The following CYBA variants were observed in gnomAD, a reference collection of about 807,000 sequenced individuals.
CYBA encodes cytochrome b-245 light chain.
In CYBA, 21 loss-of-function variants were observed where a neutral mutation model predicts 20.8. The ratio of observed to expected loss-of-function variants is 1.01; its 90% CI spans 0.72 to 1.46. CYBA has a LOEUF of 1.46. Ranked by LOEUF, CYBA falls within the 40% of genes most tolerant of loss-of-function variation. The probability of loss-of-function intolerance (pLI) is 0.00; values close to 1 mark genes in which losing one functional copy is unlikely to be tolerated. For missense variants in CYBA, 344 were observed against 287.0 expected (o/e 1.20, Z -1.43); for synonymous variants, 164 against 127.5 (o/e 1.29, Z -1.93).
intron 2 of CYBA, 179 bp downstream of exon 2, chr16:88,647,866 A>G (rs1907345342): frequency 3.0e-6 from 2 of 659,990 alleles, no homozygotes; most frequent in East Asian, 2.7e-5. Flanking sequence ...TGATCGCCAC[A>G]TGGTCCTGGC....
chr16:88,647,542 G>C (rs1354322096), intron 2 of CYBA, among the ~76,000 whole-genome samples: 7 of 152,220 alleles, frequency 4.6e-5, no homozygotes. Flanking sequence ...TCTCAAAAAA[G>C]GTCGGGGGCA....
chr16:88,643,601 C>T lies in CYBA; in HGVS notation c.370-30G>A. On this transcript the variant is annotated intron_variant, in intron 5 of 5. Transcript: ENST00000261623. This position sits in a 1 kb window ranked among gnomAD's most constrained non-coding sequence, Gnocchi z 4.3. ...GGGGCACTGAAGGGTTGAGCCGCGC[C>T]CCAGCGCCCGCCCTCCCTCCCTCCC... 6.6e-7 allele frequency: 1 copy of T among 1,523,392 alleles called. No homozygotes were observed. Among genetic ancestry groups the T allele is most frequent in the Non-Finnish European group, 8.8e-7 (1 of 1,138,288 alleles). 94.4% of individuals were successfully genotyped at this position (1,523,392 alleles called of 1,614,324 possible).
chr16:88,649,399 C>A (rs72563771), intron 1 of CYBA, among the ~76,000 whole-genome samples: 2 of 152,158 alleles, frequency 1.3e-5, no homozygotes, highest in African/African-American at 2.4e-5. Context: ...CTTTGGGGAC[C>A]GTCCTGGTCC....
chr16:88,650,711 A>C, intron 1 of CYBA: 5 of 608,034 alleles, frequency 8.2e-6, no homozygotes, highest in Non-Finnish European at 1.2e-5. Flanking sequence ...AGAGAAGGGA[A>C]TGGGGGAGGG....
chr16:88,649,141 G>A (rs72558365), intron 1 of CYBA, among the ~76,000 whole-genome samples: 62 of 149,140 alleles, frequency 4.2e-4, no homozygotes, highest in African/African-American at 1.5e-3. Flanking sequence ...GTTTCACTGT[G>A]TTAGCCAGGA....
rs544535107 is a variant in CYBA, at chr16:88,647,031, C to T, written c.203+70G>A. 2.3e-4 allele frequency: 330 copies of T among 1,447,332 alleles called. 5 individuals are homozygous for T. The South Asian group carries it at 3.9e-3, about 17-fold the overall frequency. 89.7% of individuals were successfully genotyped at this position (1,447,332 alleles called of 1,614,324 possible). On this transcript the variant is annotated intron_variant, in intron 3 of 5. Coordinates refer to ENST00000261623, the MANE Select transcript of CYBA (RefSeq NM_000101.4). ...AGCCTCCAAGTGAGAAACCAAGCTC[C>T]ACCCAACCCTGTGAGCCCTGCCTGG...
rs929908185 is a variant in CYBA at position 88,648,589 on chromosome 16, G to T, written c.59-475C>A. 9.2e-5 allele frequency among the ~76,000 whole-genome samples: 14 copies of T among 151,780 alleles called. 1 individual carries two copies. The highest frequency in any genetic ancestry group is 8.5e-4 in the Admixed American group (13 of 15,244). ...GATATGGCTATTTCTGCACATTTTTGGGGGGGTATTGTCCAATATTCCCCC... is the reference window on the plus strand; with the variant it reads ...GATATGGCTATTTCTGCACATTTTTTGGGGGGTATTGTCCAATATTCCCCC... On this transcript the variant is annotated intron_variant, in intron 1 of 5. Transcript: ENST00000261623.
In CYBA at chr16:88,643,589, G is replaced by A. The variant is rs969957827; in HGVS notation, c.370-18C>T. The A allele has an allele frequency of 6.5e-7, 1 of 1,529,812 alleles. No homozygotes were observed. The highest frequency in any genetic ancestry group is 1.4e-5 in the African/African-American group (1 of 72,896). 94.8% of individuals were successfully genotyped at this position (1,529,812 alleles called of 1,614,324 possible). A position where few individuals can be genotyped will look rare whatever the true frequency, so the allele number is the denominator to read the frequency against. On this transcript the variant is annotated intron_variant, in intron 5 of 5. Coordinates refer to ENST00000261623, the MANE Select transcript of CYBA (RefSeq NM_000101.4). This position sits in a 1 kb window ranked among gnomAD's most constrained non-coding sequence, Gnocchi z 4.3. The stretch of plus-strand genomic sequence containing the variant: ...ACAGCCGCCTGCGGGGCACTGAAGG[G>A]TTGAGCCGCGCCCCAGCGCCCGCCC...
chr16:88,643,344 G>T lies in CYBA; in HGVS notation c.*9C>A, dbSNP rs756327700. 2 of 1,508,212 alleles carry T rather than the reference G, an allele frequency of 1.3e-6. No homozygotes were observed. The highest frequency in any genetic ancestry group is 1.2e-5 in the South Asian group (1 of 80,600). The allele number at this position is 1,508,212 out of a possible 1,614,324, so 93.4% of individuals were successfully genotyped here. ...GTGCACCTGGCGGGAGGGCAGGTCC[G>T]GGGCGAGGTCACACGACCTCGTCGG... On this transcript the variant is annotated 3_prime_UTR_variant, in exon 6 of 6. Coordinates refer to ENST00000261623, the MANE Select transcript of CYBA (RefSeq NM_000101.4). This position sits in a 1 kb window ranked among gnomAD's most constrained non-coding sequence, Gnocchi z 4.3.
At chr16:88,650,714 G>C (rs1257152887) in intron 1 of CYBA, 1 of 614,638 alleles carries the variant, frequency 1.6e-6, no homozygotes, top group Non-Finnish European at 2.9e-6. Flanking sequence ...GAAGGGAATG[G>C]GGGAGGGGCG....
At chr16:88,647,961 G>A (rs764957980) in intron 2 of CYBA, 84 bp downstream of exon 2, 195 of 1,329,714 alleles carry the variant, frequency 1.5e-4, no homozygotes, top group Non-Finnish European at 1.9e-4. Flanking sequence ...GGTGGGGAGC[G>A]GAGGCAAACA....
At chr16:88,650,924 T>C (rs991055157) in intron 1 of CYBA, 32 bp downstream of exon 1, 35 of 1,572,758 alleles carry the variant, frequency 2.2e-5, no homozygotes, top group Non-Finnish European at 2.8e-5. Flanking sequence ...CCCTCCAGGC[T>C]GCAGCCTCCA....
At chr16:88,648,463 C>CGAGT (rs1907372507) in intron 1 of CYBA, among the ~76,000 whole-genome samples, 1 of 152,166 alleles carries the variant, frequency 6.6e-6, no homozygotes, top group Non-Finnish European at 1.5e-5. Context: ...GCTAACAGGC[C>CGAGT]GAGTGTGGTT....
intron 1 of CYBA, chr16:88,650,391 G>A (rs368638768): frequency 2.8e-5 from 13 of 457,036 alleles, no homozygotes; most frequent in Non-Finnish European, 4.8e-5. Flanking sequence ...CAAGAGCAAA[G>A]TGCCTGTGCA....
intron 1 of CYBA, chr16:88,650,371 C>T: frequency 2.2e-6 from 1 of 456,838 alleles, no homozygotes; most frequent in Non-Finnish European, 4.4e-6. Context: ...GGGGCTGTGC[C>T]ATCCCACCCC....
At chr16:88,650,453 C>G (rs1218558948) in intron 1 of CYBA, 3 of 459,424 alleles carry the variant, frequency 6.5e-6, no homozygotes, top group Non-Finnish European at 1.3e-5. Context: ...TGTGAAATCT[C>G]AGACCGCCTC....
In CYBA at chr16:88,650,988, C is replaced by G. The variant is rs535897564; in HGVS notation, c.26G>C (p.Trp9Ser). The G allele has an allele frequency of 6.3e-7, 1 of 1,597,330 alleles. No individual in the cohort carries two copies. Among genetic ancestry groups the G allele is most frequent in the South Asian group, 1.1e-5 (1 of 88,872 alleles). The change falls in exon 1 of 6, where the codon TGG becomes TCG. Residue 9 changes from tryptophan to serine, a missense_variant. By Grantham distance (177) the Trp-to-Ser change is radical. Coordinates refer to ENST00000261623, the MANE Select transcript of CYBA (RefSeq NM_000101.4). The stretch of plus-strand genomic sequence containing the variant: ...GGACGCCAGCGCCTGTTCGTTGGCC[C>G]ACATGGCCCACTCGATCTGCCCCAT... MGQIEWAM[W>S]ANEQALASGL... is the part of the protein sequence containing the mutation.
Position 88,643,389 on chromosome 16 carries a change from C to T in CYBA, c.552G>A (p.Gln184=). 6.5e-7 allele frequency: 1 copy of T among 1,533,868 alleles called. No homozygotes were observed. Among genetic ancestry groups the T allele is most frequent in the Non-Finnish European group, 8.8e-7 (1 of 1,142,722 alleles). The stretch of plus-strand genomic sequence containing the variant: ...CGTCGGTCACCGGGATGGGGTTGAC[C>T]TGGGGACCTCCCGGGGGTCCCCCCG... ...VAAGGPPGGP[Q]VNPIPVTDEV... The change falls in exon 6 of 6, where the codon CAG becomes CAA. Residue 184 remains glutamine (Q), a synonymous_variant. Transcript: ENST00000261623. This position sits in a 1 kb window ranked among gnomAD's most constrained non-coding sequence, Gnocchi z 4.3.
intron 5 of CYBA, chr16:88,645,648 T>C: frequency 1.7e-6 from 1 of 590,436 alleles, no homozygotes. Flanking sequence ...TCTAACAGGG[T>C]GCAGCAGTCA....
Sources: gnomAD v4.1 joint callset for allele counts (sites outside exome capture counted in the v4.1 genomes callset) on GRCh38, gnomAD v4.1.1 for gene constraint, Gnocchi (gnomAD v3.1) non-coding constraint, MANE v1.5 for transcripts, NCBI Gene and HGNC (gene_info 2026-07-23, HGNC 2026-07-21) for gene names.